EPHB1: variants seen among roughly 807,000 people sequenced by gnomAD.
EPHB1 encodes the protein ephrin type-B receptor 1.
Under a neutral mutation model 94.4 loss-of-function variants are expected in EPHB1, and 30 were observed. The observed-to-expected ratio is 0.32, with a 90% confidence interval of 0.24 to 0.43. The LOEUF (loss-of-function observed/expected upper bound fraction) is 0.43. EPHB1 is among the 20% of genes least tolerant of loss of function. The pLI, the probability that EPHB1 is intolerant of heterozygous loss-of-function variation, is 1.00. For synonymous variants in EPHB1, 522 were observed against 489.1 expected (o/e 1.07, Z -0.89); for missense variants, 1,055 against 1,308.3 (o/e 0.81, Z 2.99).
At chr3:135,143,699 A>T (rs1029760835) in intron 5 of EPHB1, among the ~76,000 whole-genome samples, 1 of 152,190 alleles carries the variant, frequency 6.6e-6, no homozygotes, top group Non-Finnish European at 1.5e-5. Context: ...TTGACATGTG[A>T]GTACCAATGG....
intron 2 of EPHB1, among the ~76,000 whole-genome samples, chr3:134,935,956 C>T (rs1049561047): frequency 6.6e-6 from 1 of 152,208 alleles, no homozygotes; most frequent in African/African-American, 2.4e-5. Context: ...GCATCTCTCC[C>T]ATTTCCAAAG....
At chr3:135,109,628 G>A (rs1939362278) in intron 4 of EPHB1, among the ~76,000 whole-genome samples, 1 of 152,228 alleles carries the variant, frequency 6.6e-6, no homozygotes, top group African/African-American at 2.4e-5. Context: ...GAGCATCACA[G>A]CAGAATCCAT....
At chr3:134,888,015 C>G (rs2037892834) in intron 1 of EPHB1, among the ~76,000 whole-genome samples, 1 of 152,116 alleles carries the variant, frequency 6.6e-6, no homozygotes, top group Non-Finnish European at 1.5e-5. Flanking sequence ...GGACTTGAGC[C>G]CCTCTTCCCA....
intron 3 of EPHB1, among the ~76,000 whole-genome samples, chr3:135,094,107 A>G (rs1475210780): frequency 6.6e-6 from 1 of 152,236 alleles, no homozygotes; most frequent in East Asian, 1.9e-4. Flanking sequence ...TCAAAAGAGG[A>G]GCTTGAGCAC....
chr3:135,152,254 T>A (rs1298186700), intron 5 of EPHB1, among the ~76,000 whole-genome samples: 1 of 152,220 alleles, frequency 6.6e-6, no homozygotes, highest in Non-Finnish European at 1.5e-5. Context: ...CCTTTCTTAC[T>A]TCAGTTGGTA....
chr3:134,982,772 ACT>A (rs1322020198), intron 3 of EPHB1, among the ~76,000 whole-genome samples: 2 of 152,014 alleles, frequency 1.3e-5, no homozygotes, highest in South Asian at 4.2e-4. Context: ...TTTAAAGGTC[ACT>A]CTCTGATTTT....
intron 4 of EPHB1, among the ~76,000 whole-genome samples, chr3:135,118,937 A>C (rs1185484446): frequency 6.6e-6 from 1 of 152,172 alleles, no homozygotes; most frequent in African/African-American, 2.4e-5. Flanking sequence ...TACGGGGTGC[A>C]TGCACTTAGA....
chr3:134,905,594 G>A (rs2038305932), intron 1 of EPHB1, among the ~76,000 whole-genome samples: 1 of 152,236 alleles, frequency 6.6e-6, no homozygotes, highest in African/African-American at 2.4e-5. Flanking sequence ...AAGAGGAAGA[G>A]CAAAGGCAGC....
chr3:135,056,242 C>T (rs889289844), intron 3 of EPHB1, among the ~76,000 whole-genome samples: 1 of 152,116 alleles, frequency 6.6e-6, no homozygotes, highest in Non-Finnish European at 1.5e-5. Context: ...GAAGGTAAGG[C>T]TCCCTTCTGT....
At chr3:135,250,253 C>G (rs1020904214) in intron 15 of EPHB1, among the ~76,000 whole-genome samples, 5 of 152,116 alleles carry the variant, frequency 3.3e-5, no homozygotes, top group African/African-American at 1.2e-4. Flanking sequence ...TATTAAATAC[C>G]ATAGAACCAT....
Position 135,101,768 on chromosome 3 carries a change from G to A in EPHB1, c.806-4680G>A, listed in dbSNP as rs550626875. ...GTGGTTACAAATTACAAGCTAAAAG[G>A]TTAATAAATGAACTCAGGAATACTA... On this transcript the variant is annotated intron_variant, in intron 3 of 15. Transcript: ENST00000398015. Among the ~76,000 whole-genome samples the A allele has an allele frequency of 8.5e-5, 13 of 152,286 alleles. 1 individual carries two copies. The South Asian group carries it at 2.5e-3, about 29-fold the overall frequency.
At chr3:134,958,790 G>A (rs760344257) in intron 3 of EPHB1, among the ~76,000 whole-genome samples, 29 of 152,182 alleles carry the variant, frequency 1.9e-4, no homozygotes, top group Non-Finnish European at 3.4e-4. Context: ...ATGAGCAACA[G>A]CACAGGGAGC....
chr3:135,166,142 A>G (rs1045477112), intron 8 of EPHB1, 66 bp downstream of exon 8: 1 of 1,216,750 alleles, frequency 8.2e-7, no homozygotes, highest in Non-Finnish European at 1.2e-6. Flanking sequence ...GCCGTTTCCC[A>G]GGCTGCGTGG....
At chr3:134,926,961 G>A (rs1355340069) in intron 2 of EPHB1, among the ~76,000 whole-genome samples, 1 of 152,206 alleles carries the variant, frequency 6.6e-6, no homozygotes, top group Non-Finnish European at 1.5e-5. Flanking sequence ...AGAGGAGGTG[G>A]AGATGATGTT....
At chr3:135,048,078 G>T (rs1001103132) in intron 3 of EPHB1, among the ~76,000 whole-genome samples, 1 of 152,020 alleles carries the variant, frequency 6.6e-6, no homozygotes, top group African/African-American at 2.4e-5. Flanking sequence ...TGGAGTGATG[G>T]CTCAAAAAGG....
At chr3:134,953,570 T>C (rs1933123727) in intron 3 of EPHB1, among the ~76,000 whole-genome samples, 1 of 152,254 alleles carries the variant, frequency 6.6e-6, no homozygotes, top group Non-Finnish European at 1.5e-5. Context: ...GGCACCAGGC[T>C]GAGTTCTTAA....
intron 10 of EPHB1, among the ~76,000 whole-genome samples, chr3:135,187,188 G>A (rs1208581192): frequency 6.6e-6 from 1 of 152,176 alleles, no homozygotes; most frequent in Non-Finnish European, 1.5e-5. Context: ...AAAGATGTGT[G>A]CCAATCAAAG....
intron 1 of EPHB1, among the ~76,000 whole-genome samples, chr3:134,847,648 T>C (rs1020712853): frequency 1.3e-5 from 2 of 152,150 alleles, no homozygotes; most frequent in Non-Finnish European, 2.9e-5. Context: ...AGGCAGGAAA[T>C]GGGAACCAGA....
chr3:135,093,707 G>T (rs1278729120), intron 3 of EPHB1, among the ~76,000 whole-genome samples: 2 of 136,472 alleles, frequency 1.5e-5, no homozygotes, highest in Admixed American at 8.0e-5. Flanking sequence ...GGGTAACAGA[G>T]TGAGACCCTG....
Sources: gnomAD v4.1 joint callset for allele counts (sites outside exome capture counted in the v4.1 genomes callset) on GRCh38, gnomAD v4.1.1 for gene constraint, MANE v1.5 for transcripts, NCBI Gene and HGNC (gene_info 2026-07-23, HGNC 2026-07-21) for gene names.